Variants in PPDPFL observed in about 807,000 individuals in gnomAD.
The protein encoded by PPDPFL is pancreatic progenitor cell differentiation and proliferation factor-like protein.
PPDPFL carries 12 observed loss-of-function variants against 12.6 expected under a neutral mutation model. That is an observed-to-expected ratio of 0.95 (90% CI 0.61 to 1.54). The LOEUF (loss-of-function observed/expected upper bound fraction) is 1.54. Among genes scored for constraint, PPDPFL ranks in the 40% most tolerant of loss-of-function variants. The probability of loss-of-function intolerance (pLI) is 0.00; values close to 1 mark genes in which losing one functional copy is unlikely to be tolerated. For synonymous variants in PPDPFL, 24 were observed against 32.7 expected (o/e 0.73, Z 0.91); for missense variants, 114 against 96.0 (o/e 1.19, Z -0.78).
upstream of PPDPFL, among the ~76,000 whole-genome samples, chr8:49,068,346 G>A (rs1344044002): frequency 6.6e-6 from 1 of 152,172 alleles, no homozygotes; most frequent in African/African-American, 2.4e-5. Context: ...AGCCAGGAGA[G>A]GTGGGATGGC....
intron 2 of PPDPFL, 99 bp downstream of exon 2, chr8:49,072,984 A>T: frequency 2.8e-6 from 3 of 1,075,496 alleles, no homozygotes; most frequent in Non-Finnish European, 4.1e-6. Flanking sequence ...TTCAGAACTT[A>T]AGGGAGAGAA....
Position 49,075,394 on chromosome 8 carries a change from C to T in PPDPFL, c.*221C>T. Reference sequence around the variant, plus strand: ...CATTTATGAGACAAGATCACAGCAGCCACTGATATAAAAAAAGTTTAGGCA... The same window carrying T: ...CATTTATGAGACAAGATCACAGCAGTCACTGATATAAAAAAAGTTTAGGCA... On this transcript the variant is annotated 3_prime_UTR_variant, in exon 5 of 5. Transcript: ENST00000522267. The T allele has an allele frequency of 2.1e-6, 2 of 942,054 alleles. No homozygotes were observed. The highest frequency in any genetic ancestry group is 3.4e-6 in the Non-Finnish European group (2 of 593,614). 58.4% of individuals were successfully genotyped at this position (942,054 alleles called of 1,614,324 possible). A position where few individuals can be genotyped will look rare whatever the true frequency, so the allele number is the denominator to read the frequency against.
upstream of PPDPFL, among the ~76,000 whole-genome samples, chr8:49,071,052 G>C (rs1192139220): frequency 2.6e-5 from 4 of 152,078 alleles, no homozygotes; most frequent in Non-Finnish European, 5.9e-5. Context: ...TCCCTGCCTC[G>C]GGTAATCACT....
chr8:49,075,291 T>C lies in PPDPFL; in HGVS notation c.*118T>C. 1 of 1,610,056 alleles carries C rather than the reference T, an allele frequency of 6.2e-7. No homozygotes were observed. Among genetic ancestry groups the C allele is most frequent in the Non-Finnish European group, 8.5e-7 (1 of 1,176,332 alleles). On this transcript the variant is annotated 3_prime_UTR_variant, in exon 5 of 5. Transcript: ENST00000522267. Reference sequence around the variant, plus strand: ...TCTGCCTGCTGCAGTGGTCCATACATGAACAGCTCCCCTTCAGCGCCCCAG... The same window carrying C: ...TCTGCCTGCTGCAGTGGTCCATACACGAACAGCTCCCCTTCAGCGCCCCAG...
chr8:49,070,368 G>A (rs1292071374), upstream of PPDPFL, among the ~76,000 whole-genome samples: 1 of 152,136 alleles, frequency 6.6e-6, no homozygotes, highest in Non-Finnish European at 1.5e-5. Flanking sequence ...TAACAAACCT[G>A]CACATGTACC....
chr8:49,056,969 C>T (rs1322563047), intron 1 of PPDPFL, among the ~76,000 whole-genome samples: 1 of 152,054 alleles, frequency 6.6e-6, no homozygotes, highest in Non-Finnish European at 1.5e-5. Context: ...GCACAGATAC[C>T]CCGTTTCTAG....
intron 1 of PPDPFL, 147 bp downstream of exon 1, chr8:49,072,629 A>G (rs3735973): frequency 0.18 from 79,925 of 452,546 alleles, 9,743 homozygotes; most frequent in East Asian, 0.51. Context: ...TTTTTATTGC[A>G]GTATATTTGG....
chr8:49,074,704 T>TA, intron 4 of PPDPFL: 1 of 1,466,802 alleles, frequency 6.8e-7, no homozygotes, highest in Non-Finnish European at 9.0e-7. Context: ...AACCTTAGGA[T>TA]AACACTGCTG....
At position 49,075,883 on chromosome 8, in the gene PPDPFL, T is replaced by C. The variant is rs1050474736; in HGVS notation, c.*710T>C. On this transcript the variant is annotated 3_prime_UTR_variant, in exon 5 of 5. Transcript: ENST00000522267. The stretch of plus-strand genomic sequence containing the variant: ...AAAAATTAGCATAATACACCATATA[T>C]GGTACAATCGTAGTTGTATTAAAAA... The C allele has an allele frequency of 6.5e-6, 1 of 152,678 alleles. No individual in the cohort carries two copies. The highest frequency in any genetic ancestry group is 2.4e-5 in the African/African-American group (1 of 41,442). The allele number at this position is 152,678 out of a possible 1,614,324, so 9.5% of individuals were successfully genotyped here.
chr8:49,070,035 A>G (rs2129245413), upstream of PPDPFL, among the ~76,000 whole-genome samples: 1 of 152,368 alleles, frequency 6.6e-6, no homozygotes, highest in East Asian at 1.9e-4. Context: ...AATGTGATAC[A>G]TAGACACCAT....
At chr8:49,072,944 G>C in intron 2 of PPDPFL, 59 bp downstream of exon 2, 1 of 1,419,182 alleles carries the variant, frequency 7.0e-7, no homozygotes, top group South Asian at 1.2e-5. Context: ...GATGTTTGTG[G>C]GATATTGTTA....
At chr8:49,073,000 G>A in intron 2 of PPDPFL, 115 bp downstream of exon 2, 1 of 948,860 alleles carries the variant, frequency 1.1e-6, no homozygotes, top group Non-Finnish European at 1.6e-6. Context: ...GAGAACTATT[G>A]GTGACAATGA....
chr8:49,062,654 T>C lies in PPDPFL; in HGVS notation c.-45+8285T>C, dbSNP rs1416140567. On this transcript the variant is annotated intron_variant, in intron 1 of 4. Transcript: ENST00000517663. ...AGAAGGGTCAGGCAGTGGCACTTAATCATCAGAAGCTGGTGAGTGCAATTG... is the reference window on the plus strand; with the variant it reads ...AGAAGGGTCAGGCAGTGGCACTTAACCATCAGAAGCTGGTGAGTGCAATTG... Among the ~76,000 whole-genome samples, 5 of 152,316 alleles carry C rather than the reference T, an allele frequency of 3.3e-5. No individual in the cohort carries two copies. In the East Asian group the frequency reaches 9.6e-4, roughly 29 times the overall value.
intron 4 of PPDPFL, 114 bp from the exon 5 acceptor site, chr8:49,075,038 A>G: frequency 6.8e-7 from 1 of 1,476,926 alleles, no homozygotes; most frequent in Non-Finnish European, 9.2e-7. Flanking sequence ...TGCAAGATTG[A>G]TTGTTGGAAA....
rs1461322150 is a variant in PPDPFL, at chr8:49,061,573, G to A, written c.-45+7204G>A. 2.0e-5 allele frequency among the ~76,000 whole-genome samples: 3 copies of A among 152,152 alleles called. No individual in the cohort carries two copies. The East Asian group carries it at 5.8e-4, about 29-fold the overall frequency. ...TTGCACCATCTCCGGTGTTTGAGAG[G>A]GTCTGGGGAAAGAGGGTCTGGGGAA... On this transcript the variant is annotated intron_variant, in intron 1 of 4. Transcript: ENST00000517663.
chr8:49,055,623 C>A (rs1808100952), intron 1 of PPDPFL, among the ~76,000 whole-genome samples: 1 of 152,028 alleles, frequency 6.6e-6, no homozygotes. Context: ...TAATAAATGC[C>A]AGGTCTTGCA....
At chr8:49,067,672 C>T (rs1047708971), upstream of PPDPFL, among the ~76,000 whole-genome samples, 3 of 152,206 alleles carry the variant, frequency 2.0e-5, no homozygotes, top group Non-Finnish European at 2.9e-5. Context: ...GTAATAGTAT[C>T]TTACATGTGA....
upstream of PPDPFL, among the ~76,000 whole-genome samples, chr8:49,069,086 C>T (rs1049455602): frequency 1.3e-5 from 2 of 152,074 alleles, no homozygotes; most frequent in Non-Finnish European, 2.9e-5. Flanking sequence ...GCTAATTAAA[C>T]AAACAGCACA....
upstream of PPDPFL, among the ~76,000 whole-genome samples, chr8:49,068,350 G>A (rs147902409): frequency 3.6e-3 from 541 of 152,250 alleles, 4 homozygotes; most frequent in African/African-American, 0.013. Flanking sequence ...AGGAGAGGTG[G>A]GATGGCCTAG....
Sources: allele counts gnomAD v4.1 joint callset (sites outside exome capture counted in the v4.1 genomes callset), GRCh38; gene constraint gnomAD v4.1.1; transcripts MANE v1.5; gene names NCBI Gene and HGNC (gene_info 2026-07-23, HGNC 2026-07-21).